FRMPD4: variants seen among roughly 807,000 people sequenced by gnomAD.
The protein encoded by FRMPD4 is FERM and PDZ domain containing 4.
In FRMPD4, 22 loss-of-function variants were observed where a neutral mutation model predicts 94.1. That is an observed-to-expected ratio of 0.23 (90% CI 0.17 to 0.33). FRMPD4 has a LOEUF of 0.33. FRMPD4 is among the 10% of genes least tolerant of loss of function. The pLI is 1.00. For missense variants in FRMPD4, 1,111 were observed against 1,339.9 expected, an observed-to-expected ratio of 0.83 and a Z score of 2.67; for synonymous variants, 631 against 548.6, an observed-to-expected ratio of 1.15 and a Z score of -2.10.
chrX:12,198,887 A>C (rs1181704163), intron 1 of FRMPD4, among the ~76,000 whole-genome samples: 2 of 112,491 alleles, frequency 1.8e-5, no homozygotes, highest in Admixed American at 9.4e-5. Flanking sequence ...TGACAGTTTG[A>C]ACTCTGTTGA....
chrX:12,508,224 T>G (rs1035258375), intron 2 of FRMPD4, among the ~76,000 whole-genome samples: 1 of 111,804 alleles, frequency 8.9e-6, no homozygotes, highest in African/African-American at 3.3e-5. Flanking sequence ...CAGCTTCTCC[T>G]TTCTCTCACC....
Position 12,722,822 on chromosome X carries a change from T to G in FRMPD4, c.*964T>G, listed in dbSNP as rs752633493. 1 of 111,748 alleles carries G rather than the reference T, an allele frequency of 8.9e-6. No homozygotes were observed. The highest frequency in any genetic ancestry group is 9.5e-5 in the Admixed American group (1 of 10,494). 9.2% of individuals were successfully genotyped at this position (111,748 alleles called of 1,213,427 possible). A position where few individuals can be genotyped will look rare whatever the true frequency, so the allele number is the denominator to read the frequency against. ...CAAACTTAAAAAAAGGAACATTTAATGATCATCAAAATTAAGTACAGATTC... is the reference window on the plus strand; with the variant it reads ...CAAACTTAAAAAAAGGAACATTTAAGGATCATCAAAATTAAGTACAGATTC... On this transcript the variant is annotated 3_prime_UTR_variant, in exon 17 of 17. Coordinates refer to ENST00000675598, the MANE Select transcript of FRMPD4 (RefSeq NM_001368397.1).
chrX:12,632,201 G>A (rs1203477033), intron 4 of FRMPD4, among the ~76,000 whole-genome samples: 2 of 112,004 alleles, frequency 1.8e-5, no homozygotes, highest in East Asian at 5.6e-4. Context: ...GTGGTAGCTT[G>A]AAAGAGACAT....
chrX:11,944,136 C>T (rs1369162441), intron 3 of FRMPD4, among the ~76,000 whole-genome samples: 2 of 112,348 alleles, frequency 1.8e-5, no homozygotes, highest in Non-Finnish European at 3.8e-5. Context: ...CATCTCCTTT[C>T]CAACTTCCAA....
chrX:12,619,833 C>G (rs956482687), intron 4 of FRMPD4, among the ~76,000 whole-genome samples: 1 of 111,448 alleles, frequency 9.0e-6, no homozygotes, highest in Admixed American at 9.5e-5. Flanking sequence ...TTCATACCCC[C>G]AGAGGTAGGC....
chrX:11,954,408 G>A (rs988800207), intron 3 of FRMPD4, among the ~76,000 whole-genome samples: 2 of 112,218 alleles, frequency 1.8e-5, no homozygotes, highest in African/African-American at 6.5e-5. Flanking sequence ...ACAAAGAAGT[G>A]CTGAGGAGTC....
At chrX:12,463,709 T>TTTTC (rs1569286431) in intron 1 of FRMPD4, among the ~76,000 whole-genome samples, 1 of 101,188 alleles carries the variant, frequency 9.9e-6, no homozygotes, top group African/African-American at 3.6e-5. Flanking sequence ...TTTTTTTTTT[T>TTTTC]TAACAGAGCA....
intron 4 of FRMPD4, among the ~76,000 whole-genome samples, chrX:12,658,585 C>G (rs2059682733): frequency 8.9e-6 from 1 of 111,976 alleles, no homozygotes; most frequent in Non-Finnish European, 1.9e-5. Context: ...GATGGCCCAT[C>G]AACAGAGCAC....
intron 3 of FRMPD4, among the ~76,000 whole-genome samples, chrX:12,110,646 G>A (rs960785586): frequency 7.2e-5 from 8 of 111,477 alleles, no homozygotes; most frequent in African/African-American, 2.0e-4. Flanking sequence ...GTTTGCAGAT[G>A]ACATGATTGT....
chrX:11,898,205 A>G (rs180769552), intron 3 of FRMPD4, among the ~76,000 whole-genome samples: 1 of 110,753 alleles, frequency 9.0e-6, no homozygotes, highest in African/African-American at 3.3e-5. Context: ...TTGTATTGAC[A>G]TTGGCTTTTC....
chrX:11,849,375 C>T (rs1227798003), intron 1 of FRMPD4, among the ~76,000 whole-genome samples: 2 of 111,528 alleles, frequency 1.8e-5, no homozygotes, highest in Non-Finnish European at 3.8e-5. Context: ...AATCCAAGCC[C>T]TATCAAAATC....
intron 1 of FRMPD4, among the ~76,000 whole-genome samples, chrX:12,359,446 A>G (rs773903058): frequency 1.9e-5 from 2 of 106,918 alleles, no homozygotes; most frequent in African/African-American, 6.8e-5. Context: ...ACAAAGTATC[A>G]TCATTCTTTT....
Position 12,139,540 on chromosome X carries a change from CT to C in FRMPD4, c.41+539del, listed in dbSNP as rs34758220. Reference sequence around the variant, plus strand: ...TAGATAGAAGAGAAAGACTTTCAGCCTTTTTTTTTTTGGGGGGGGGGTAACT... The same window carrying C: ...TAGATAGAAGAGAAAGACTTTCAGCCTTTTTTTTTTGGGGGGGGGGTAACT... On this transcript the variant is annotated intron_variant, in intron 1 of 16. Coordinates refer to ENST00000675598, the MANE Select transcript of FRMPD4 (RefSeq NM_001368397.1). Among the ~76,000 whole-genome samples, 367 of 83,155 alleles carry C rather than the reference CT, an allele frequency of 4.4e-3. 1 individual carries two copies. The highest frequency in any genetic ancestry group is 0.015 in the East Asian group (25 of 1,694). 72.2% of individuals were successfully genotyped at this position (83,155 alleles called of 115,157 possible).
rs187093192 is a variant in FRMPD4, at chrX:12,329,768, C to A, written c.42-168912C>A. ...TGCAAGGGTGCTCCTGAATCTCTTT[C>A]GTTATAATCAAGCTAGGCAAACCAG... On this transcript the variant is annotated intron_variant, in intron 1 of 16. Coordinates refer to ENST00000675598, the MANE Select transcript of FRMPD4 (RefSeq NM_001368397.1). 1.0e-3 allele frequency among the ~76,000 whole-genome samples: 108 copies of A among 105,223 alleles called. No homozygotes were observed. In the Middle Eastern group the frequency reaches 0.014, roughly 14 times the overall value. The allele number at this position is 105,223 out of a possible 115,157, so 91.4% of individuals were successfully genotyped here.
At chrX:11,883,185 G>T (rs1435536476) in intron 3 of FRMPD4, among the ~76,000 whole-genome samples, 1 of 111,966 alleles carries the variant, frequency 8.9e-6, no homozygotes, top group East Asian at 2.8e-4. Flanking sequence ...ATCCAGGTTG[G>T]CAACACCTAG....
At chrX:12,318,306 G>T (rs1263460679) in intron 1 of FRMPD4, among the ~76,000 whole-genome samples, 1 of 112,165 alleles carries the variant, frequency 8.9e-6, no homozygotes, top group East Asian at 2.8e-4. Flanking sequence ...TGGGAGAATC[G>T]CTTGAATTCA....
Position 11,984,782 on chromosome X carries a change from A to G in FRMPD4, c.95+106764A>G, listed in dbSNP as rs368567242. ...CTACAGAACGTGAGAAAATATTTGC[A>G]AGTCATATATCTGGCAATGGTCTAC... On this transcript the variant is annotated intron_variant, in intron 3 of 18. Transcript: ENST00000640291. Among the ~76,000 whole-genome samples the G allele has an allele frequency of 1.8e-3, 197 of 112,427 alleles. 4 individuals are homozygous for G. In the South Asian group the frequency reaches 0.069, roughly 39 times the overall value.
At chrX:11,915,746 C>T (rs1477319166) in intron 3 of FRMPD4, among the ~76,000 whole-genome samples, 4 of 111,965 alleles carry the variant, frequency 3.6e-5, no homozygotes, top group Admixed American at 1.9e-4. Flanking sequence ...AGTGAACTCA[C>T]CTCTGGAGTC....
At chrX:12,170,231 A>G (rs888594473) in intron 1 of FRMPD4, among the ~76,000 whole-genome samples, 16 of 108,981 alleles carry the variant, frequency 1.5e-4, no homozygotes, top group Non-Finnish European at 3.0e-4. Flanking sequence ...TTCTTTCTTC[A>G]AATGGTCTTG....
Sources: gnomAD v4.1 joint callset for allele counts (sites outside exome capture counted in the v4.1 genomes callset) on GRCh38, gnomAD v4.1.1 for gene constraint, MANE v1.5 for transcripts, NCBI Gene and HGNC (gene_info 2026-07-23, HGNC 2026-07-21) for gene names.